ABLIM1: variants seen among roughly 807,000 people sequenced by gnomAD.
ABLIM1 encodes the protein actin binding LIM protein 1.
Under a neutral mutation model 107.0 loss-of-function variants are expected in ABLIM1, and 40 were observed. That is an observed-to-expected ratio of 0.37 (90% CI 0.29 to 0.49). The LOEUF (loss-of-function observed/expected upper bound fraction) is 0.49. ABLIM1 is among the 20% of genes least tolerant of loss of function. The pLI, the probability that ABLIM1 is intolerant of heterozygous loss-of-function variation, is 0.97. For synonymous variants in ABLIM1, 357 were observed against 357.3 expected (o/e 1.00, Z 0.01); for missense variants, 857 against 1,008.5 (o/e 0.85, Z 2.04).
At position 114,648,030 on chromosome 10, in the gene ABLIM1, T is replaced by C. The variant is rs537566177; in HGVS notation, c.244+9927A>G. ...GTGTACATATGGGAAAACTGGTTAT[T>C]TCACTTTGAGGGAATAGCTTTAATT... On this transcript the variant is annotated intron_variant, in intron 1 of 22. Transcript: ENST00000533213. Among the ~76,000 whole-genome samples, 7 of 152,352 alleles carry C rather than the reference T, an allele frequency of 4.6e-5. No individual in the cohort carries two copies. The South Asian group carries it at 1.4e-3, about 32-fold the overall frequency.
chr10:114,611,045 C>T (rs900053223), intron 1 of ABLIM1, among the ~76,000 whole-genome samples: 1 of 151,652 alleles, frequency 6.6e-6, no homozygotes, highest in Non-Finnish European at 1.5e-5. Context: ...TCCAGCTACT[C>T]AGGAGGCTGG....
intron 4 of ABLIM1, among the ~76,000 whole-genome samples, chr10:114,564,897 T>C (rs1192522213): frequency 3.9e-5 from 6 of 152,214 alleles, no homozygotes; most frequent in African/African-American, 1.4e-4. Context: ...CCTTAAAGAA[T>C]AATGGCCAAC....
intron 4 of ABLIM1, among the ~76,000 whole-genome samples, chr10:114,569,461 A>C (rs539949650): frequency 1.3e-5 from 2 of 151,990 alleles, no homozygotes; most frequent in Non-Finnish European, 2.9e-5. Flanking sequence ...CTGGGATTAC[A>C]GGTACCCGCC....
chr10:114,799,403 G>A, the ABLIM1 span, among the ~76,000 whole-genome samples: 7,360 of 152,202 alleles, frequency 0.048, 604 homozygotes, highest in African/African-American at 0.17. Flanking sequence ...GCCCTAGGCT[G>A]GTATATCCAA....
At chr10:114,560,221 A>G (rs2069482278) in intron 4 of ABLIM1, among the ~76,000 whole-genome samples, 1 of 152,264 alleles carries the variant, frequency 6.6e-6, no homozygotes, top group African/African-American at 2.4e-5. Flanking sequence ...GCTATTCATA[A>G]TAGCCAAAGA....
chr10:114,646,928 T>C (rs2079034533), intron 1 of ABLIM1, among the ~76,000 whole-genome samples: 1 of 152,190 alleles, frequency 6.6e-6, no homozygotes, highest in Non-Finnish European at 1.5e-5. Flanking sequence ...CCATCATGGA[T>C]AGCACTGGAC....
rs377221282 is a variant in ABLIM1 at position 114,704,697 on chromosome 10, GT to G, written c.-213+63363del. On this transcript the variant is annotated intron_variant, in intron 1 of 15. Transcript: ENST00000651092. ...AATGTCTCTCCCTTCCTGGGAGGCT[GT>G]GGGGTCCAAGGCCTTTTCTCTGGCA... is the stretch of plus-strand genomic sequence containing the variant. 5.0e-4 allele frequency among the ~76,000 whole-genome samples: 76 copies of G among 152,150 alleles called. 2 individuals are homozygous for G. In the South Asian group the frequency reaches 0.015, roughly 30 times the overall value.
chr10:114,658,499 C>T (rs1285031971), upstream of ABLIM1, among the ~76,000 whole-genome samples: 1 of 152,170 alleles, frequency 6.6e-6, no homozygotes, highest in Non-Finnish European at 1.5e-5. Flanking sequence ...AATATAACTG[C>T]AATATCTAAA....
intron 8 of ABLIM1, among the ~76,000 whole-genome samples, chr10:114,476,464 A>G (rs112947415): frequency 0.18 from 26,802 of 151,800 alleles, 2,600 homozygotes; most frequent in Middle Eastern, 0.26. Flanking sequence ...CAACATGGTG[A>G]AACCCCATCT....
intron 1 of ABLIM1, among the ~76,000 whole-genome samples, chr10:114,704,302 C>CTATATATA (rs369952218): frequency 2.3e-4 from 10 of 43,090 alleles, no homozygotes; most frequent in African/African-American, 6.7e-4. Context: ...CTCTCTCTCT[C>CTATATATA]TATATATATA....
chr10:114,637,081 C>A (rs1424992705), intron 1 of ABLIM1, among the ~76,000 whole-genome samples: 2 of 148,692 alleles, frequency 1.3e-5, no homozygotes, highest in East Asian at 3.9e-4. Flanking sequence ...TTGCAGATCA[C>A]CAGGGATAGA....
At chr10:114,798,888 T>C in the ABLIM1 span, among the ~76,000 whole-genome samples, 107,632 of 151,874 alleles carry the variant, frequency 0.71, 38,218 homozygotes, top group Non-Finnish European at 0.72. Context: ...CTCCACCTTC[T>C]GGATTCAAGC....
At chr10:114,768,103 G>A (rs1409412130), upstream of ABLIM1, 1 of 424,198 alleles carries the variant, frequency 2.4e-6, no homozygotes, top group Non-Finnish European at 4.7e-6. Flanking sequence ...GGAGCTGGAA[G>A]GCGTTGGACA....
intron 1 of ABLIM1, among the ~76,000 whole-genome samples, chr10:114,715,421 C>G (rs74158038): frequency 6.6e-6 from 1 of 152,154 alleles, no homozygotes; most frequent in Admixed American, 6.5e-5. Flanking sequence ...TTGGGAATCT[C>G]CTGCTCTTTC....
chr10:114,513,658 C>T (rs767331467), intron 6 of ABLIM1, among the ~76,000 whole-genome samples: 6 of 152,022 alleles, frequency 3.9e-5, no homozygotes, highest in East Asian at 1.9e-4. Flanking sequence ...ACCTTGGTGG[C>T]GGGTAGGAGC....
At chr10:114,638,483 T>A (rs1460949193) in intron 1 of ABLIM1, among the ~76,000 whole-genome samples, 1 of 152,168 alleles carries the variant, frequency 6.6e-6, no homozygotes, top group Non-Finnish European at 1.5e-5. Flanking sequence ...TCATAACAAC[T>A]GGATGAAGTA....
At chr10:114,453,229 GA>G in intron 13 of ABLIM1, 149 bp downstream of exon 13, 2 of 748,202 alleles carry the variant, frequency 2.7e-6, no homozygotes, top group East Asian at 2.9e-5. Flanking sequence ...TAAAACTTTT[GA>G]AAGGCCCCCT....
At chr10:114,624,934 A>C (rs575615955) in intron 1 of ABLIM1, among the ~76,000 whole-genome samples, 71 of 152,250 alleles carry the variant, frequency 4.7e-4, no homozygotes, top group African/African-American at 1.5e-3. Flanking sequence ...GCTTTCTCTC[A>C]AGCAGAATAT....
intron 1 of ABLIM1, among the ~76,000 whole-genome samples, chr10:114,711,884 A>G (rs1383969134): frequency 6.6e-6 from 1 of 152,074 alleles, no homozygotes; most frequent in Non-Finnish European, 1.5e-5. Flanking sequence ...CCCCGCACCA[A>G]CTGGGCCCAA....
Sources: allele counts gnomAD v4.1 joint callset (sites outside exome capture counted in the v4.1 genomes callset), GRCh38; gene constraint gnomAD v4.1.1; transcripts MANE v1.5; gene names NCBI Gene and HGNC (gene_info 2026-07-23, HGNC 2026-07-21).